Variants in KLF8 observed in about 807,000 individuals in gnomAD.
KLF8 encodes KLF transcription factor 8, also known as Krueppel-like factor 8.
In KLF8, 10 loss-of-function variants were observed where a neutral mutation model predicts 18.2. The observed-to-expected ratio is 0.55, with a 90% CI of 0.34 to 0.93. The LOEUF is 0.93. Among genes scored for constraint, KLF8 ranks in the 40% least tolerant of loss-of-function variants. KLF8 has a pLI of 0.02. For missense variants in KLF8, 264 were observed against 277.9 expected (o/e 0.95, Z 0.36); for synonymous variants, 109 against 97.3 (o/e 1.12, Z -0.71).
chrX:56,245,768 C>G (rs2066615073), intron 1 of KLF8, among the ~76,000 whole-genome samples: 1 of 112,038 alleles, frequency 8.9e-6, no homozygotes, highest in Non-Finnish European at 1.9e-5. Context: ...TTGTATATTT[C>G]CTTACCACTT....
the KLF8 span, among the ~76,000 whole-genome samples, chrX:56,009,904 T>C: frequency 1.8e-5 from 2 of 111,627 alleles, no homozygotes; most frequent in African/African-American, 6.5e-5. Context: ...GCAGACAAGA[T>C]TGGAGTAAAA....
Position 56,285,965 on chromosome X carries a change from T to G in KLF8, c.*1471T>G, listed in dbSNP as rs1355507135. ...CCTGCTTGAATACTTTAGGTTACTA[T>G]TTCCTGAGGCTGTCCATTCTCACTA... is the stretch of plus-strand genomic sequence containing the variant. On this transcript the variant is annotated 3_prime_UTR_variant, in exon 6 of 6. Transcript: ENST00000468660. 5.4e-5 allele frequency: 6 copies of G among 110,788 alleles called. No individual in the cohort carries two copies. Among genetic ancestry groups the G allele is most frequent in the African/African-American group, 2.0e-4 (6 of 30,398 alleles). 9.1% of individuals were successfully genotyped at this position (110,788 alleles called of 1,213,427 possible).
At chrX:56,059,820 T>C in the KLF8 span, among the ~76,000 whole-genome samples, 1 of 112,088 alleles carries the variant, frequency 8.9e-6, no homozygotes, top group Non-Finnish European at 1.9e-5. Context: ...TGCTTAGGAT[T>C]GTCTTGGCAA....
chrX:56,120,398 C>T, the KLF8 span, among the ~76,000 whole-genome samples: 1 of 111,971 alleles, frequency 8.9e-6, no homozygotes, highest in Non-Finnish European at 1.9e-5. Context: ...TTCAGCTGAC[C>T]TTTGTGCAGT....
chrX:56,048,385 G>A, the KLF8 span, among the ~76,000 whole-genome samples: 2 of 111,580 alleles, frequency 1.8e-5, no homozygotes, highest in African/African-American at 6.5e-5. Flanking sequence ...TTCTTCTAGG[G>A]TTTTTTTGGT....
chrX:56,092,387 C>T, the KLF8 span, among the ~76,000 whole-genome samples: 58 of 111,217 alleles, frequency 5.2e-4, no homozygotes, highest in East Asian at 2.5e-3. Context: ...AGACCAATGT[C>T]CAGGACAGTT....
At chrX:56,006,281 G>A in the KLF8 span, among the ~76,000 whole-genome samples, 1 of 111,958 alleles carries the variant, frequency 8.9e-6, no homozygotes, top group South Asian at 3.7e-4. Flanking sequence ...GATTCCAGAG[G>A]TCCATGGTGA....
At chrX:55,982,151 A>C in the KLF8 span, among the ~76,000 whole-genome samples, 3 of 111,580 alleles carry the variant, frequency 2.7e-5, no homozygotes, top group Non-Finnish European at 5.6e-5. Context: ...TCCAGGAATA[A>C]AGAATGTGCA....
the KLF8 span, among the ~76,000 whole-genome samples, chrX:56,051,040 T>C: frequency 9.1e-6 from 1 of 110,084 alleles, no homozygotes; most frequent in African/African-American, 3.3e-5. Context: ...CTTTGTCTCT[T>C]TTGATCTTTG....
chrX:56,078,201 G>T, the KLF8 span, among the ~76,000 whole-genome samples: 1 of 111,634 alleles, frequency 9.0e-6, no homozygotes, highest in African/African-American at 3.3e-5. Flanking sequence ...GGTGAGAGAG[G>T]GCATCCCTGT....
intron 4 of KLF8, 97 bp from the exon 5 acceptor site, chrX:56,270,085 A>G: frequency 1.2e-6 from 1 of 857,744 alleles, no homozygotes; most frequent in Non-Finnish European, 1.6e-6. Context: ...CACGTAAATT[A>G]AAAGCCGATA....
At chrX:56,182,295 A>T in the KLF8 span, among the ~76,000 whole-genome samples, 1 of 112,394 alleles carries the variant, frequency 8.9e-6, no homozygotes, top group African/African-American at 3.2e-5. Flanking sequence ...TTCTCGTGCC[A>T]AGGTTTTCAG....
the KLF8 span, among the ~76,000 whole-genome samples, chrX:56,051,073 A>C: frequency 1.8e-5 from 2 of 110,013 alleles, no homozygotes; most frequent in Admixed American, 1.9e-4. Flanking sequence ...CTGTTTTATC[A>C]GAGACTAGGA....
chrX:56,190,215 A>G, the KLF8 span, among the ~76,000 whole-genome samples: 3 of 111,059 alleles, frequency 2.7e-5, no homozygotes, highest in African/African-American at 9.8e-5. Context: ...TTTCAAGACC[A>G]AAACAATAAG....
chrX:56,145,573 A>G, the KLF8 span, among the ~76,000 whole-genome samples: 1 of 112,590 alleles, frequency 8.9e-6, no homozygotes, highest in Non-Finnish European at 1.9e-5. Context: ...AACAGATGAA[A>G]AGATAAACAA....
At chrX:56,148,392 A>C in the KLF8 span, among the ~76,000 whole-genome samples, 2 of 111,141 alleles carry the variant, frequency 1.8e-5, no homozygotes, top group Admixed American at 1.9e-4. Context: ...CCATTTCTTA[A>C]GAATAAAAAT....
the KLF8 span, among the ~76,000 whole-genome samples, chrX:56,072,323 G>T: frequency 9.0e-6 from 1 of 111,464 alleles, no homozygotes; most frequent in African/African-American, 3.3e-5. Flanking sequence ...GCAAGAAAAA[G>T]CCTCAACCAG....
chrX:56,243,368 T>G, intron 1 of KLF8: 1 of 296,389 alleles, frequency 3.4e-6, no homozygotes, highest in South Asian at 4.1e-5. Context: ...TGGCTTTGAC[T>G]TTAGGAGGGG....
the KLF8 span, among the ~76,000 whole-genome samples, chrX:55,989,082 T>A: frequency 8.9e-6 from 1 of 112,148 alleles, no homozygotes; most frequent in African/African-American, 3.2e-5. Context: ...AATTTGCCTA[T>A]CAGCTTAAGG....
Sources: allele counts gnomAD v4.1 joint callset (sites outside exome capture counted in the v4.1 genomes callset), GRCh38; gene constraint gnomAD v4.1.1; transcripts MANE v1.5; gene names NCBI Gene and HGNC (gene_info 2026-07-23, HGNC 2026-07-21).